ADAT2: variants seen among roughly 807,000 people sequenced by gnomAD.
ADAT2 encodes tRNA-specific adenosine-34 deaminase catalytic subunit ADAT2.
A neutral mutation model predicts 25.9 loss-of-function variants in ADAT2; 26 were observed. The ratio of observed to expected loss-of-function variants is 1.00; its 90% confidence interval spans 0.74 to 1.39. The LOEUF (loss-of-function observed/expected upper bound fraction) is 1.39. ADAT2 is among the 40% of genes most tolerant of loss of function. The pLI, the probability that ADAT2 is intolerant of heterozygous loss-of-function variation, is 0.00. For missense variants in ADAT2, 220 were observed against 244.8 expected (o/e 0.90, Z 0.68); for synonymous variants, 76 against 86.8 (o/e 0.88, Z 0.69).
intron 1 of ADAT2, among the ~76,000 whole-genome samples, chr6:143,448,487 A>T (rs1482694142): frequency 1.3e-5 from 2 of 152,174 alleles, no homozygotes; most frequent in African/African-American, 2.4e-5. Flanking sequence ...TAAAAACTGT[A>T]ATATACATGT....
rs1307303173 is a variant in ADAT2 at position 143,427,463 on chromosome 6, G to C, written c.*1000C>G. 6.6e-6 allele frequency: 1 copy of C among 152,238 alleles called. No individual in the cohort carries two copies. Among genetic ancestry groups the C allele is most frequent in the African/African-American group, 2.4e-5 (1 of 41,462 alleles). 9.4% of individuals were successfully genotyped at this position (152,238 alleles called of 1,614,324 possible). ...AAAGCTGCCCTGTAGTCATGGAGGT[G>C]AACTGGGGACTTCCTGCTGTGGATA... On this transcript the variant is annotated 3_prime_UTR_variant, in exon 6 of 6. Transcript: ENST00000237283.
rs1451414836 is a variant in ADAT2 at position 143,428,846 on chromosome 6, T to G, written c.460-162A>C. On this transcript the variant is annotated intron_variant, in intron 4 of 5. Transcript: ENST00000237283. The surrounding 1 kb of genome is among the most constrained non-coding windows in gnomAD (Gnocchi z 5.0). ...GGTAAGGAGGTACACTTCCAAAAGA[T>G]GTTTGATATATCATCTTTTTCATTA... Among the ~76,000 whole-genome samples the G allele has an allele frequency of 6.6e-6, 1 of 152,208 alleles. No homozygotes were observed. Among genetic ancestry groups the G allele is most frequent in the Admixed American group, 6.5e-5 (1 of 15,282 alleles).
chr6:143,439,459 T>C (rs1779393881), intron 1 of ADAT2, among the ~76,000 whole-genome samples: 1 of 149,390 alleles, frequency 6.7e-6, no homozygotes, highest in South Asian at 2.1e-4. Flanking sequence ...AACAAGAAAA[T>C]GGATAAACAA....
rs1465020320 is a variant in ADAT2 at position 143,447,278 on chromosome 6, G to T, written c.96+3285C>A. 3.9e-5 allele frequency among the ~76,000 whole-genome samples: 6 copies of T among 152,060 alleles called. No homozygotes were observed. The East Asian group carries it at 1.2e-3, about 29-fold the overall frequency. Reference sequence around the variant, plus strand: ...CTTAAATAGACACATGTGGTTAGTGGCTACGATATTAGGCATTATGGTTTT... The same window carrying T: ...CTTAAATAGACACATGTGGTTAGTGTCTACGATATTAGGCATTATGGTTTT... On this transcript the variant is annotated intron_variant, in intron 1 of 5. Coordinates refer to ENST00000237283, the MANE Select transcript of ADAT2 (RefSeq NM_182503.3).
intron 1 of ADAT2, among the ~76,000 whole-genome samples, chr6:143,439,549 C>T (rs1779396589): frequency 6.6e-6 from 1 of 152,144 alleles, no homozygotes; most frequent in Non-Finnish European, 1.5e-5. Context: ...GGATGAGCCT[C>T]ATAGACATGC....
chr6:143,424,614 G>A lies in ADAT2; in HGVS notation c.*3849C>T, dbSNP rs1026101523. ...TATTTTCCAAAACCCTATCTTATCA[G>A]GCATAATGAAATTTATATAATTATT... On this transcript the variant is annotated 3_prime_UTR_variant, in exon 6 of 6. Coordinates refer to ENST00000237283, the MANE Select transcript of ADAT2 (RefSeq NM_182503.3). The surrounding 1 kb of genome is among the most constrained non-coding windows in gnomAD (Gnocchi z 4.8). 6.6e-6 allele frequency: 1 copy of A among 151,982 alleles called. No homozygotes were observed. Among genetic ancestry groups the A allele is most frequent in the African/African-American group, 2.4e-5 (1 of 41,352 alleles). 9.4% of individuals were successfully genotyped at this position (151,982 alleles called of 1,614,324 possible).
intron 3 of ADAT2, 47 bp downstream of exon 3, chr6:143,433,784 G>A (rs1200406195): frequency 6.4e-7 from 1 of 1,551,162 alleles, no homozygotes; most frequent in East Asian, 2.3e-5. Flanking sequence ...CCACTCTCTT[G>A]TTCACACGAA....
At position 143,442,932 on chromosome 6, in the gene ADAT2, GC is replaced by G. The variant is rs1779502943; in HGVS notation, c.97-4239del. On this transcript the variant is annotated intron_variant, in intron 1 of 5. Transcript: ENST00000237283. The surrounding 1 kb of genome is among the most constrained non-coding windows in gnomAD (Gnocchi z 4.6). The stretch of plus-strand genomic sequence containing the variant: ...CTAAGAGGTTAAATTTTTAACTCCA[GC>G]TATACTTTCCCCAACAAACCTCTTA... Among the ~76,000 whole-genome samples, 1 of 152,180 alleles carries G rather than the reference GC, an allele frequency of 6.6e-6. No individual in the cohort carries two copies. Among genetic ancestry groups the G allele is most frequent in the South Asian group, 2.1e-4 (1 of 4,832 alleles).
Position 143,428,803 on chromosome 6 carries a change from G to T in ADAT2, c.460-119C>A. Reference sequence around the variant, plus strand: ...CAGATTTCAGATGTTAATAAACTTTGGGGATATTAGTAACATGGGTAAGGA... The same window carrying T: ...CAGATTTCAGATGTTAATAAACTTTTGGGATATTAGTAACATGGGTAAGGA... On this transcript the variant is annotated intron_variant, in intron 4 of 5. Coordinates refer to ENST00000237283, the MANE Select transcript of ADAT2 (RefSeq NM_182503.3). The surrounding 1 kb of genome is among the most constrained non-coding windows in gnomAD (Gnocchi z 5.0). The T allele has an allele frequency of 1.1e-6, 1 of 936,922 alleles. No homozygotes were observed. Among genetic ancestry groups the T allele is most frequent in the Non-Finnish European group, 1.6e-6 (1 of 629,662 alleles). 58.0% of individuals were successfully genotyped at this position (936,922 alleles called of 1,614,324 possible). A position where few individuals can be genotyped will look rare whatever the true frequency, so the allele number is the denominator to read the frequency against.
rs189650820 is a variant in ADAT2 at position 143,426,504 on chromosome 6, C to A, written c.*1959G>T. The A allele has an allele frequency of 4.6e-5, 7 of 152,278 alleles. No individual in the cohort carries two copies. Among genetic ancestry groups the A allele is most frequent in the African/African-American group, 1.4e-4 (6 of 41,552 alleles). 9.4% of individuals were successfully genotyped at this position (152,278 alleles called of 1,614,324 possible). ...AAGAGGGAACCAAAAAGATGGTAAA[C>A]CACAATTAAATTGTTCAGCTATGCT... is the stretch of plus-strand genomic sequence containing the variant. On this transcript the variant is annotated 3_prime_UTR_variant, in exon 6 of 6. Coordinates refer to ENST00000237283, the MANE Select transcript of ADAT2 (RefSeq NM_182503.3). The surrounding 1 kb of genome is among the most constrained non-coding windows in gnomAD (Gnocchi z 4.1).
At chr6:143,439,629 A>T (rs1163131426) in intron 1 of ADAT2, among the ~76,000 whole-genome samples, 1 of 152,234 alleles carries the variant, frequency 6.6e-6, no homozygotes, top group African/African-American at 2.4e-5. Flanking sequence ...ACCAGAATAG[A>T]TAAAACTAAA....
chr6:143,433,479 T>C (rs1779176771), intron 3 of ADAT2, among the ~76,000 whole-genome samples: 1 of 152,226 alleles, frequency 6.6e-6, no homozygotes, highest in Non-Finnish European at 1.5e-5. Context: ...TCATAATCCA[T>C]TATCCAAAGG....
chr6:143,450,623 G>A lies in ADAT2; in HGVS notation c.36C>T (p.Ser12=). Residue 12 remains serine, a synonymous_variant, in exon 1 of 6, where the codon AGC becomes AGT. Coordinates refer to ENST00000237283, the MANE Select transcript of ADAT2 (RefSeq NM_182503.3). ...CCTCTGCCGACACCGAGCACGCGCCGCTTGCAGCTGGCTTGGGTGCCGCCT... is the reference window on the plus strand; with the variant it reads ...CCTCTGCCGACACCGAGCACGCGCCACTTGCAGCTGGCTTGGGTGCCGCCT... The part of the protein sequence containing the change: ...EAKAAPKPAA[S]GACSVSAEET... 6.2e-7 allele frequency: 1 copy of A among 1,613,966 alleles called. No individual in the cohort carries two copies. The highest frequency in any genetic ancestry group is 8.5e-7 in the Non-Finnish European group (1 of 1,180,028).
At position 143,432,460 on chromosome 6, in the gene ADAT2, G is replaced by A. The variant is rs765564613; in HGVS notation, c.459+45C>T. Reference sequence around the variant, plus strand: ...GTTATTCACAAGCCCATAAAGAGATGAAAATAATTAGCAAGAAAGAAAAAG... The same window carrying A: ...GTTATTCACAAGCCCATAAAGAGATAAAAATAATTAGCAAGAAAGAAAAAG... On this transcript the variant is annotated intron_variant, in intron 4 of 5. Transcript: ENST00000237283. This position sits in a 1 kb window ranked among gnomAD's most constrained non-coding sequence, Gnocchi z 4.4. 2 of 1,541,800 alleles carry A rather than the reference G, an allele frequency of 1.3e-6. No homozygotes were observed. The highest frequency in any genetic ancestry group is 1.8e-6 in the Non-Finnish European group (2 of 1,114,762).
Position 143,426,919 on chromosome 6 carries a change from GA to G in ADAT2, c.*1543del, listed in dbSNP as rs1188397663. ...TAAATGCAATGAAATCTGCTTGCAG[GA>G]AAGCATAAGAAGCCAGAAATGAATT... On this transcript the variant is annotated 3_prime_UTR_variant, in exon 6 of 6. Coordinates refer to ENST00000237283, the MANE Select transcript of ADAT2 (RefSeq NM_182503.3). The surrounding 1 kb of genome is among the most constrained non-coding windows in gnomAD (Gnocchi z 4.1). 6.6e-6 allele frequency: 1 copy of G among 151,864 alleles called. No individual in the cohort carries two copies. The highest frequency in any genetic ancestry group is 1.5e-5 in the Non-Finnish European group (1 of 68,020). 9.4% of individuals were successfully genotyped at this position (151,864 alleles called of 1,614,324 possible). A position where few individuals can be genotyped will look rare whatever the true frequency, so the allele number is the denominator to read the frequency against.
chr6:143,427,001 A>G lies in ADAT2; in HGVS notation c.*1462T>C, dbSNP rs1164338381. 6.6e-6 allele frequency: 1 copy of G among 152,230 alleles called. No individual in the cohort carries two copies. Among genetic ancestry groups the G allele is most frequent in the East Asian group, 1.9e-4 (1 of 5,188 alleles). 9.4% of individuals were successfully genotyped at this position (152,230 alleles called of 1,614,324 possible). Reference sequence around the variant, plus strand: ...AGAAGCACTAAAATTCAATGAGAAGATAATTTTTAAAGTGGATGAAATTGA... The same window carrying G: ...AGAAGCACTAAAATTCAATGAGAAGGTAATTTTTAAAGTGGATGAAATTGA... On this transcript the variant is annotated 3_prime_UTR_variant, in exon 6 of 6. Transcript: ENST00000237283.
rs556739855 is a variant in ADAT2 at position 143,438,664 on chromosome 6, G to T, written c.127C>A (p.Pro43Thr). ...AKEALENTEV[P>T]VGCLMVYNNE... ...TTGTAGACCATAAGACAGCCAACAG[G>T]AACTTCAGTATTTTCGAGGGCTTCT... is the stretch of plus-strand genomic sequence containing the variant. The change falls in exon 2 of 6, where the codon CCT (proline) becomes ACT (threonine). Residue 43 changes from proline (P) to threonine (T), a missense_variant. Transcript: ENST00000237283. 1.2e-6 allele frequency: 2 copies of T among 1,613,440 alleles called. No individual in the cohort carries two copies. Among genetic ancestry groups the T allele is most frequent in the African/African-American group, 2.7e-5 (2 of 74,994 alleles).
chr6:143,449,065 G>C (rs1046669287), intron 1 of ADAT2, among the ~76,000 whole-genome samples: 4 of 117,274 alleles, frequency 3.4e-5, no homozygotes, highest in Non-Finnish European at 6.1e-5. Context: ...TTTCTTTTTT[G>C]AGACAGGGTC....
chr6:143,444,376 C>G lies in ADAT2; in HGVS notation c.97-5682G>C, dbSNP rs1016704915. Among the ~76,000 whole-genome samples, 4 of 151,486 alleles carry G rather than the reference C, an allele frequency of 2.6e-5. No individual in the cohort carries two copies. The highest frequency in any genetic ancestry group is 9.7e-5 in the African/African-American group (4 of 41,118). On this transcript the variant is annotated intron_variant, in intron 1 of 5. Coordinates refer to ENST00000237283, the MANE Select transcript of ADAT2 (RefSeq NM_182503.3). The surrounding 1 kb of genome is among the most constrained non-coding windows in gnomAD (Gnocchi z 4.3). The stretch of plus-strand genomic sequence containing the variant: ...GGGGGCGGTGAGAATAACACAAAGC[C>G]CCATGGAAGTGAGTTGAGGGGAACT...
Sources: gnomAD v4.1 joint callset for allele counts (sites outside exome capture counted in the v4.1 genomes callset) on GRCh38, gnomAD v4.1.1 for gene constraint, Gnocchi (gnomAD v3.1) non-coding constraint, MANE v1.5 for transcripts, NCBI Gene and HGNC (gene_info 2026-07-23, HGNC 2026-07-21) for gene names.